The following WDR1 variants were observed in gnomAD, a reference collection of about 807,000 sequenced individuals.
The protein encoded by WDR1 is WD repeat domain 1, also known as WD repeat-containing protein 1.
WDR1 carries 21 observed loss-of-function variants against 71.9 expected under a neutral mutation model. The observed-to-expected ratio is 0.29, with a 90% CI of 0.21 to 0.42. The LOEUF (loss-of-function observed/expected upper bound fraction) is 0.42, where lower values mean the gene tolerates loss of function less well. Among genes scored for constraint, WDR1 ranks in the 10% least tolerant of loss-of-function variants. WDR1 has a pLI of 1.00. For missense variants in WDR1, 696 were observed against 824.5 expected (o/e 0.84, Z 1.91); for synonymous variants, 424 against 347.4 (o/e 1.22, Z -2.45).
At chr4:10,099,853 G>T (rs1296459737) in intron 3 of WDR1, among the ~76,000 whole-genome samples, 2 of 152,200 alleles carry the variant, frequency 1.3e-5, no homozygotes, top group Middle Eastern at 3.2e-3. Flanking sequence ...GCGGGGGAAG[G>T]AGAATTACAC....
chr4:10,113,502 G>T (rs1161470625), intron 2 of WDR1, among the ~76,000 whole-genome samples: 1 of 152,250 alleles, frequency 6.6e-6, no homozygotes, highest in Non-Finnish European at 1.5e-5. Flanking sequence ...AAGAACGCTG[G>T]AGCCGAGGCC....
At chr4:10,104,921 C>T (rs546275264) in intron 2 of WDR1, among the ~76,000 whole-genome samples, 3 of 152,186 alleles carry the variant, frequency 2.0e-5, no homozygotes, top group Non-Finnish European at 4.4e-5. Context: ...ACCCCACCTG[C>T]TGCCACCCCA....
intron 7 of WDR1, 143 bp from the exon 8 acceptor site, chr4:10,088,083 A>C: frequency 1.1e-6 from 1 of 902,968 alleles, no homozygotes; most frequent in South Asian, 1.7e-5. Context: ...GGCCAAGGAC[A>C]ACACCCGCCT....
At chr4:10,081,568 GGA>G (rs2109642169) in intron 10 of WDR1, 124 bp from the exon 11 acceptor site, 1 of 728,852 alleles carries the variant, frequency 1.4e-6, no homozygotes, top group African/African-American at 1.8e-5. Flanking sequence ...CACCTATACT[GGA>G]GAGACTTGCT....
chr4:10,109,843 G>C (rs750373889), intron 2 of WDR1, among the ~76,000 whole-genome samples: 40 of 152,184 alleles, frequency 2.6e-4, no homozygotes, highest in Non-Finnish European at 5.6e-4. Context: ...GAGAGATGAG[G>C]GTATCCACCC....
At chr4:10,112,938 C>T (rs779836334) in intron 2 of WDR1, among the ~76,000 whole-genome samples, 2 of 152,202 alleles carry the variant, frequency 1.3e-5, no homozygotes, top group Non-Finnish European at 2.9e-5. Flanking sequence ...TGTAGGCAGC[C>T]GTAGCCTGCT....
At chr4:10,108,934 G>A (rs1713188246) in intron 2 of WDR1, among the ~76,000 whole-genome samples, 1 of 152,154 alleles carries the variant, frequency 6.6e-6, no homozygotes, top group African/African-American at 2.4e-5. Context: ...CCTGCCTTCT[G>A]TACTACGTGG....
At position 10,075,366 on chromosome 4, in the gene WDR1, G is replaced by A. The variant is rs780696284; in HGVS notation, c.*12C>T. ...CCTGATTCGGTCCATCCAGAGGCGG[G>A]GGTGGGGCTCCTCAGTAGGTGATTG... On this transcript the variant is annotated 3_prime_UTR_variant, in exon 15 of 15. Coordinates refer to ENST00000499869, the MANE Select transcript of WDR1 (RefSeq NM_017491.5). The A allele has an allele frequency of 3.7e-6, 6 of 1,610,610 alleles. No homozygotes were observed. The highest frequency in any genetic ancestry group is 5.1e-6 in the Non-Finnish European group (6 of 1,177,228).
chr4:10,114,674 G>C (rs142466954), intron 2 of WDR1, among the ~76,000 whole-genome samples: 18 of 152,348 alleles, frequency 1.2e-4, no homozygotes, highest in African/African-American at 4.3e-4. Context: ...TTTCTCAAAA[G>C]CCTCAGGACC....
intron 5 of WDR1, chr4:10,093,217 A>G (rs1560536961): frequency 2.5e-6 from 3 of 1,179,270 alleles, no homozygotes; most frequent in Non-Finnish European, 3.4e-6. Flanking sequence ...CATTCCCCCC[A>G]GCCTCAGCTG....
Position 10,083,285 on chromosome 4 carries a change from G to A in WDR1, c.1040-107C>T, listed in dbSNP as rs369200779. ...TTACATCAAGAATGAGAATCTCGCC[G>A]CAAACGGACATAACCATTCCCCCTG... On this transcript the variant is annotated intron_variant, in intron 9 of 14. Coordinates refer to ENST00000499869, the MANE Select transcript of WDR1 (RefSeq NM_017491.5). 288 of 1,369,010 alleles carry A rather than the reference G, an allele frequency of 2.1e-4. 2 individuals carry two copies. Among genetic ancestry groups the A allele is most frequent in the South Asian group, 1.9e-3 (136 of 71,376 alleles). 84.8% of individuals were successfully genotyped at this position (1,369,010 alleles called of 1,614,324 possible). A position where few individuals can be genotyped will look rare whatever the true frequency, so the allele number is the denominator to read the frequency against.
intron 12 of WDR1, chr4:10,078,652 T>C: frequency 2.2e-6 from 1 of 462,966 alleles, no homozygotes; most frequent in Non-Finnish European, 3.9e-6. Flanking sequence ...CACAGTCTTG[T>C]GGGCACCCGG....
chr4:10,095,957 C>G (rs577518715), intron 5 of WDR1: 3 of 152,334 alleles, frequency 2.0e-5, no homozygotes, highest in African/African-American at 7.2e-5. Flanking sequence ...TGGAGCTGGG[C>G]TAGCTGGGCA....
chr4:10,101,102 G>A (rs2109683262), intron 3 of WDR1, among the ~76,000 whole-genome samples: 1 of 152,366 alleles, frequency 6.6e-6, no homozygotes, highest in East Asian at 1.9e-4. Flanking sequence ...GGGCAGCCTG[G>A]AACCACGGCC....
intron 14 of WDR1, 180 bp from the exon 15 acceptor site, chr4:10,075,664 A>G: frequency 1.6e-6 from 1 of 619,246 alleles, no homozygotes; most frequent in East Asian, 2.8e-5. Context: ...TCCACGTGAC[A>G]CTCCTGAACC....
At chr4:10,100,022 G>A (rs1403167477) in intron 3 of WDR1, among the ~76,000 whole-genome samples, 1 of 152,144 alleles carries the variant, frequency 6.6e-6, no homozygotes, top group Non-Finnish European at 1.5e-5. Flanking sequence ...GCACTGTGTT[G>A]GCGTGAAGAA....
rs1330375314 is a variant in WDR1 at position 10,083,724 on chromosome 4, A to G, written c.1040-546T>C. On this transcript the variant is annotated intron_variant, in intron 9 of 14. Coordinates refer to ENST00000499869, the MANE Select transcript of WDR1 (RefSeq NM_017491.5). ...GCAACGTGTGTGGGCATCCCTGCCC[A>G]GGCACTCTGCAGATGGTGGCTCCAA... The G allele has an allele frequency of 8.8e-6, 4 of 457,042 alleles. 1 individual carries two copies. The highest frequency in any genetic ancestry group is 6.2e-5 in the South Asian group (4 of 64,572). The allele number at this position is 457,042 out of a possible 1,614,324, so 28.3% of individuals were successfully genotyped here. A position where few individuals can be genotyped will look rare whatever the true frequency, so the allele number is the denominator to read the frequency against.
chr4:10,105,051 C>T (rs775944369), intron 2 of WDR1, among the ~76,000 whole-genome samples: 27 of 152,362 alleles, frequency 1.8e-4, no homozygotes, highest in South Asian at 4.1e-4. Flanking sequence ...TTAAGCTCCA[C>T]GTCTGTGTGT....
intron 5 of WDR1, chr4:10,093,120 G>A: frequency 7.8e-7 from 1 of 1,289,412 alleles, no homozygotes; most frequent in Non-Finnish European, 1.0e-6. Flanking sequence ...GAGCGACAGA[G>A]CGCTGCAGGC....
Sources: gnomAD v4.1 joint callset for allele counts (sites outside exome capture counted in the v4.1 genomes callset) on GRCh38, gnomAD v4.1.1 for gene constraint, MANE v1.5 for transcripts, NCBI Gene and HGNC (gene_info 2026-07-23, HGNC 2026-07-21) for gene names.